ZNF536: variants seen among roughly 807,000 people sequenced by gnomAD.
ZNF536 encodes the protein zinc finger protein 536.
ZNF536 carries 13 observed loss-of-function variants against 84.5 expected under a neutral mutation model. The ratio of observed to expected loss-of-function variants is 0.15; its 90% CI spans 0.10 to 0.24. The LOEUF is 0.24. Ranked by LOEUF, ZNF536 falls within the 10% of genes least tolerant of loss-of-function variation. The pLI, the probability that ZNF536 is intolerant of heterozygous loss-of-function variation, is 1.00. For synonymous variants in ZNF536, 811 were observed against 742.5 expected, an observed-to-expected ratio of 1.09 and a Z score of -1.50; for missense variants, 1,536 against 1,747.5, an observed-to-expected ratio of 0.88 and a Z score of 2.16.
chr19:30,560,676 AAG>A (rs1280442185), downstream of ZNF536, among the ~76,000 whole-genome samples: 1 of 152,208 alleles, frequency 6.6e-6, no homozygotes, highest in Admixed American at 6.5e-5. Context: ...GCCTTGCAGT[AAG>A]AGAGTCTTCA....
chr19:30,459,352 CTCTT>C (rs2053027322), intron 2 of ZNF536, among the ~76,000 whole-genome samples: 2 of 106,536 alleles, frequency 1.9e-5, no homozygotes, highest in African/African-American at 3.6e-5. Flanking sequence ...CTTTCTTTCT[CTCTT>C]TTTTTTTTTT....
At position 30,534,861 on chromosome 19, in the gene ZNF536, G is replaced by C. The variant is rs780816091; in HGVS notation, c.2185G>C (p.Ala729Pro). 2 of 1,612,918 alleles carry C rather than the reference G, an allele frequency of 1.2e-6. No individual in the cohort carries two copies. Among genetic ancestry groups the C allele is most frequent in the Non-Finnish European group, 1.7e-6 (2 of 1,179,236 alleles). The part of the protein sequence containing the change: ...SPSSSDIGEE[A>P]GRSAGVQQPA... ...CTTCGCTGCAGACATTGGCGAGGAG[G>C]CTGGGAGATCTGCCGGCGTCCAGCA... Residue 729 changes from alanine to proline, a missense_variant, in exon 3 of 5, where the codon GCT (alanine) becomes CCT (proline). Physicochemically the swap from Ala to Pro is conservative, Grantham distance 27 (BLOSUM62 -1). Around this residue, in one of 8 missense-constraint regions of ZNF536, gnomAD observed 148 missense variants for 205.4 expected, o/e 0.72. Coordinates refer to ENST00000355537, the MANE Select transcript of ZNF536 (RefSeq NM_014717.3).
At chr19:30,613,015 G>A (rs1374573604) in intron 1 of ZNF536, among the ~76,000 whole-genome samples, 1 of 152,176 alleles carries the variant, frequency 6.6e-6, no homozygotes, top group Non-Finnish European at 1.5e-5. Context: ...TTACTTTGGA[G>A]AAAAACGCTC....
At chr19:30,644,960 T>C (rs59497109) in intron 1 of ZNF536, among the ~76,000 whole-genome samples, 2,413 of 152,006 alleles carry the variant, frequency 0.016, 54 homozygotes, top group African/African-American at 0.056. Flanking sequence ...TCCACAATGG[T>C]TGAACTAGCT....
chr19:30,646,661 A>G (rs1321179385), intron 1 of ZNF536, among the ~76,000 whole-genome samples: 1 of 152,106 alleles, frequency 6.6e-6, no homozygotes, highest in Non-Finnish European at 1.5e-5. Flanking sequence ...CTCAAGTGGC[A>G]ATTAGTGGCT....
At chr19:30,474,918 C>G (rs991815495) in intron 2 of ZNF536, among the ~76,000 whole-genome samples, 1 of 149,456 alleles carries the variant, frequency 6.7e-6, no homozygotes, top group South Asian at 2.2e-4. Flanking sequence ...GCATTCTCCC[C>G]CCACATCCCC....
At chr19:30,366,622 A>G (rs1052837147) in intron 3 of ZNF536, among the ~76,000 whole-genome samples, 5 of 147,324 alleles carry the variant, frequency 3.4e-5, no homozygotes, top group East Asian at 3.9e-4. Context: ...CTATCTATCT[A>G]TCTATCATCT....
chr19:30,460,736 G>A (rs2053095193), intron 2 of ZNF536, among the ~76,000 whole-genome samples: 1 of 152,188 alleles, frequency 6.6e-6, no homozygotes, highest in African/African-American at 2.4e-5. Context: ...AAGAGGAAGG[G>A]AAGGTGGGAT....
At chr19:30,385,701 C>T (rs1018330551) in intron 1 of ZNF536, among the ~76,000 whole-genome samples, 6 of 152,200 alleles carry the variant, frequency 3.9e-5, no homozygotes, top group African/African-American at 1.4e-4. Context: ...TTTTATTATT[C>T]CTTCTACCCA....
intron 2 of ZNF536, among the ~76,000 whole-genome samples, chr19:30,450,264 G>T (rs2052540562): frequency 6.6e-6 from 1 of 152,106 alleles, no homozygotes; most frequent in Non-Finnish European, 1.5e-5. Context: ...GCTGCTTCCT[G>T]CTGCAAAAGC....
intron 1 of ZNF536, among the ~76,000 whole-genome samples, chr19:30,374,353 T>C (rs912262120): frequency 1.3e-5 from 2 of 152,052 alleles, no homozygotes; most frequent in African/African-American, 4.8e-5. Flanking sequence ...CCGTAAAAAA[T>C]ATAAAGTAAT....
At chr19:30,374,578 C>T (rs2048734033) in intron 1 of ZNF536, among the ~76,000 whole-genome samples, 2 of 152,182 alleles carry the variant, frequency 1.3e-5, no homozygotes, top group Non-Finnish European at 2.9e-5. Context: ...CGCCTTGGCA[C>T]CGCCTCGGTG....
At chr19:30,643,481 A>G (rs2049340490) in intron 1 of ZNF536, among the ~76,000 whole-genome samples, 1 of 152,250 alleles carries the variant, frequency 6.6e-6, no homozygotes, top group African/African-American at 2.4e-5. Flanking sequence ...TACAGTGTTT[A>G]ATGTACATTG....
At chr19:30,404,873 C>G (rs888655544) in intron 1 of ZNF536, among the ~76,000 whole-genome samples, 7 of 152,218 alleles carry the variant, frequency 4.6e-5, no homozygotes, top group African/African-American at 1.7e-4. Flanking sequence ...AGTTGCAAGT[C>G]CAGGCCTCAC....
chr19:30,558,832 G>A (rs926900468), downstream of ZNF536, among the ~76,000 whole-genome samples: 1 of 152,026 alleles, frequency 6.6e-6, no homozygotes, highest in African/African-American at 2.4e-5. Context: ...GGTCCTTTTG[G>A]GGGACTGGGG....
chr19:30,297,119 A>G (rs1018151936), intron 2 of ZNF536, among the ~76,000 whole-genome samples: 2 of 152,206 alleles, frequency 1.3e-5, no homozygotes, highest in African/African-American at 4.8e-5. Context: ...AGAGATTTTC[A>G]AAAGAGTCTT....
At chr19:30,491,704 C>T (rs1233061439) in intron 2 of ZNF536, among the ~76,000 whole-genome samples, 1 of 152,156 alleles carries the variant, frequency 6.6e-6, no homozygotes, top group Non-Finnish European at 1.5e-5. Flanking sequence ...TGCTAGAAAT[C>T]ACAATTTCAG....
chr19:30,394,516 T>C (rs1395298509), intron 1 of ZNF536, among the ~76,000 whole-genome samples: 1 of 152,186 alleles, frequency 6.6e-6, no homozygotes, highest in African/African-American at 2.4e-5. Flanking sequence ...ATCTCTTACG[T>C]CTGCTCGGCT....
At chr19:30,570,742 T>A (rs894247066) in intron 1 of ZNF536, among the ~76,000 whole-genome samples, 15 of 152,184 alleles carry the variant, frequency 9.9e-5, no homozygotes, top group African/African-American at 3.4e-4. Context: ...ACCTATATTT[T>A]AAGCATATCA....
Sources: allele counts gnomAD v4.1 joint callset (sites outside exome capture counted in the v4.1 genomes callset), GRCh38; gene constraint gnomAD v4.1.1; regional missense constraint gnomAD v4.1.1; transcripts MANE v1.5; gene names NCBI Gene and HGNC (gene_info 2026-07-23, HGNC 2026-07-21).